The following ZNF66 variants were observed in gnomAD, a reference collection of about 807,000 sequenced individuals.
ZNF66 encodes zinc finger protein 66, also known as putative zinc finger protein 66.
ZNF66 carries 32 observed loss-of-function variants against 35.2 expected under a neutral mutation model. That is an observed-to-expected ratio of 0.91 (90% confidence interval 0.69 to 1.22). The LOEUF (loss-of-function observed/expected upper bound fraction) is 1.22. ZNF66 is among the 50% of genes most tolerant of loss of function. The pLI is 0.00. For synonymous variants in ZNF66, 231 were observed against 181.3 expected (o/e 1.27, Z -2.20); for missense variants, 666 against 543.1 (o/e 1.23, Z -2.25).
At position 20,776,349 on chromosome 19, in the gene ZNF66, C is replaced by T. The variant is rs1599543011; in HGVS notation, c.-99C>T. The stretch of plus-strand genomic sequence containing the variant: ...CTCCAGGTCGTCTGTTCACTGCTCT[C>T]TGTCTTCTTCTCCTAGAGGCCCAGC... On this transcript the variant is annotated 5_prime_UTR_variant, in exon 1 of 4. Coordinates refer to ENST00000344519, the MANE Select transcript of ZNF66 (RefSeq NM_001355197.2). 1.3e-6 allele frequency: 2 copies of T among 1,487,392 alleles called. No individual in the cohort carries two copies. Among genetic ancestry groups the T allele is most frequent in the East Asian group, 2.3e-5 (1 of 43,958 alleles). The allele number at this position is 1,487,392 out of a possible 1,614,324, so 92.1% of individuals were successfully genotyped here. A position where few individuals can be genotyped will look rare whatever the true frequency, so the allele number is the denominator to read the frequency against.
At chr19:20,803,303 CTTTCTGTCTT>C (rs1157109179) in intron 3 of ZNF66, among the ~76,000 whole-genome samples, 29 of 129,064 alleles carry the variant, frequency 2.2e-4, no homozygotes, top group African/African-American at 7.6e-4. Context: ...CTCATTTTCT[CTTTCTGTCTT>C]TTTTTTTTAT....
At chr19:20,779,027 C>T (rs1971221435) in intron 1 of ZNF66, among the ~76,000 whole-genome samples, 1 of 152,098 alleles carries the variant, frequency 6.6e-6, no homozygotes, top group African/African-American at 2.4e-5. Flanking sequence ...CCAGCCTGCT[C>T]ACCCCAGCCA....
chr19:20,799,439 T>G (rs1971427728), intron 3 of ZNF66: 1 of 150,704 alleles, frequency 6.6e-6, no homozygotes, highest in Non-Finnish European at 1.5e-5. Context: ...TGTCTTTGTT[T>G]TCCACCAGCA....
In ZNF66 at chr19:20,807,152, T is replaced by C; in HGVS notation, c.1552T>C (p.Phe518Leu). The change falls in exon 4 of 4, where the codon TTT (phenylalanine) becomes CTT (leucine). Residue 518 changes from phenylalanine (F) to leucine (L), a missense_variant. Phe to Leu is a conservative substitution (Grantham distance 22). Transcript: ENST00000344519. ...PYKCEECGKD[F>L]KYSSTLTRHK... ...CAAATGTGAAGAATGTGGCAAAGAC[T>C]TTAAGTACTCCTCTACCCTTACTAG... The C allele has an allele frequency of 1.3e-6, 1 of 794,522 alleles. No individual in the cohort carries two copies. Among genetic ancestry groups the C allele is most frequent in the South Asian group, 1.4e-5 (1 of 69,570 alleles). The allele number at this position is 794,522 out of a possible 1,614,324, so 49.2% of individuals were successfully genotyped here. A position where few individuals can be genotyped will look rare whatever the true frequency, so the allele number is the denominator to read the frequency against.
At chr19:20,805,357 T>C (rs1156859701) in intron 3 of ZNF66, among the ~76,000 whole-genome samples, 1 of 152,146 alleles carries the variant, frequency 6.6e-6, no homozygotes, top group African/African-American at 2.4e-5. Context: ...CATGCCTGTC[T>C]AGTTTTTTGT....
chr19:20,792,849 C>T (rs1055298601), intron 2 of ZNF66, among the ~76,000 whole-genome samples: 1 of 151,968 alleles, frequency 6.6e-6, no homozygotes, highest in Non-Finnish European at 1.5e-5. Flanking sequence ...AGGGGGATTA[C>T]CTGAGGCCAG....
chr19:20,809,860 G>C lies in ZNF66; in HGVS notation c.*2538G>C, dbSNP rs1421422149. 6.6e-6 allele frequency among the ~76,000 whole-genome samples: 1 copy of C among 152,068 alleles called. No homozygotes were observed. The highest frequency in any genetic ancestry group is 6.6e-5 in the Admixed American group (1 of 15,248). ...AGCTTTAAATGTAAATGGGCTAAAT[G>C]CTCCAATTAAAAGACACAGACAGGC... On this transcript the variant is annotated 3_prime_UTR_variant, in exon 4 of 4. Coordinates refer to ENST00000344519, the MANE Select transcript of ZNF66 (RefSeq NM_001355197.2).
At chr19:20,795,395 T>TA (rs1971382541) in intron 3 of ZNF66, among the ~76,000 whole-genome samples, 1 of 151,362 alleles carries the variant, frequency 6.6e-6, no homozygotes, top group East Asian at 1.9e-4. Context: ...GAGATGGAGT[T>TA]TTGCTCCTGT....
At chr19:20,796,586 T>A (rs897204099) in intron 3 of ZNF66, among the ~76,000 whole-genome samples, 8 of 152,208 alleles carry the variant, frequency 5.3e-5, no homozygotes, top group Non-Finnish European at 1.2e-4. Context: ...TTGTATAATT[T>A]TAAATTTAAC....
At position 20,807,995 on chromosome 19, in the gene ZNF66, G is replaced by A. The variant is rs6511166; in HGVS notation, c.*673G>A. On this transcript the variant is annotated 3_prime_UTR_variant, in exon 4 of 4. Transcript: ENST00000344519. The stretch of plus-strand genomic sequence containing the variant: ...GGTGACAGATGGCACCTGGAAAATT[G>A]GGTTACTCCCACCCTAATACTGCGC... 0.38 allele frequency among the ~76,000 whole-genome samples: 57,591 copies of A among 151,874 alleles called. 11,534 individuals are homozygous for A. The highest frequency in any genetic ancestry group is 0.45 in the East Asian group (2,327 of 5,122).
Position 20,793,828 on chromosome 19 carries a change from GA to G in ZNF66, c.183del (p.Lys61AsnfsTer11), listed in dbSNP as rs778503926. 2.2e-5 allele frequency: 26 copies of G among 1,163,488 alleles called. No individual in the cohort carries two copies. Among genetic ancestry groups the G allele is most frequent in the Non-Finnish European group, 2.9e-5 (24 of 828,392 alleles). 72.1% of individuals were successfully genotyped at this position (1,163,488 alleles called of 1,614,324 possible). On this transcript the variant is annotated frameshift_variant, in exon 3 of 4. Coordinates refer to ENST00000344519, the MANE Select transcript of ZNF66 (RefSeq NM_001355197.2). LOFTEE classifies it high-confidence loss of function. ...GACCTCATCACCCATCTGGAGCAAG[GA>G]AAAAAACCTTCGACTATGCAGAGAC... ...KPDLITHLEQ[G>X]KKPSTMQRHE...
chr19:20,806,984 T>A lies in ZNF66; in HGVS notation c.1384T>A (p.Phe462Ile), dbSNP rs1481469981. 3 of 1,014,928 alleles carry A rather than the reference T, an allele frequency of 3.0e-6. No homozygotes were observed. The highest frequency in any genetic ancestry group is 3.4e-5 in the Admixed American group (2 of 58,510). 62.9% of individuals were successfully genotyped at this position (1,014,928 alleles called of 1,614,324 possible). Residue 462 changes from phenylalanine to isoleucine, a missense_variant, in exon 4 of 4, where the codon TTT (phenylalanine) becomes ATT (isoleucine). Phe to Ile is a conservative substitution (Grantham distance 21, BLOSUM62 0). Coordinates refer to ENST00000344519, the MANE Select transcript of ZNF66 (RefSeq NM_001355197.2). ...CGAATGTGAAGACTGTGGCAAAGCC[T>A]TTAACCGCTCCTCTAACCTTACTAA... ...PYECEDCGKA[F>I]NRSSNLTKHK...
At chr19:20,781,880 A>G (rs867761534) in intron 1 of ZNF66, among the ~76,000 whole-genome samples, 2 of 151,972 alleles carry the variant, frequency 1.3e-5, no homozygotes, top group African/African-American at 4.8e-5. Flanking sequence ...TTTTTTTTTA[A>G]TGGCCACAGA....
At chr19:20,794,151 G>T in intron 3 of ZNF66, 2 of 531,106 alleles carry the variant, frequency 3.8e-6, no homozygotes, top group South Asian at 3.8e-5. Context: ...TCCTCTTCAT[G>T]ACATATAAGA....
intron 1 of ZNF66, among the ~76,000 whole-genome samples, chr19:20,789,313 C>G (rs1971315210): frequency 6.6e-6 from 1 of 152,170 alleles, no homozygotes; most frequent in Admixed American, 6.5e-5. Context: ...TTATTTTGGT[C>G]TGACTATACC....
intron 1 of ZNF66, among the ~76,000 whole-genome samples, chr19:20,783,044 G>A (rs919121698): frequency 6.6e-6 from 1 of 152,020 alleles, no homozygotes; most frequent in African/African-American, 2.4e-5. Context: ...GTAATGAAGG[G>A]ATCTAGTTTC....
rs1216893254 is a variant in ZNF66 at position 20,802,104 on chromosome 19, CAA to C, written c.227-3721_227-3720del. Among the ~76,000 whole-genome samples, 3 of 152,106 alleles carry C rather than the reference CAA, an allele frequency of 2.0e-5. No individual in the cohort carries two copies. The East Asian group carries it at 5.8e-4, about 29-fold the overall frequency. ...TACTTTTTCACCTTTATACTCATAACAAATTATTTTAATTCTGTAGCTTTTTG... is the reference window on the plus strand; with the variant it reads ...TACTTTTTCACCTTTATACTCATAACATTATTTTAATTCTGTAGCTTTTTG... On this transcript the variant is annotated intron_variant, in intron 3 of 3. Coordinates refer to ENST00000344519, the MANE Select transcript of ZNF66 (RefSeq NM_001355197.2).
intron 3 of ZNF66, among the ~76,000 whole-genome samples, chr19:20,804,777 A>G (rs11669934): frequency 0.38 from 58,141 of 152,010 alleles, 11,675 homozygotes; most frequent in East Asian, 0.46. Flanking sequence ...GAATTTCTCA[A>G]ACATGTTTTT....
chr19:20,806,083 C>A lies in ZNF66; in HGVS notation c.483C>A (p.Asn161Lys). 1 of 871,498 alleles carries A rather than the reference C, an allele frequency of 1.1e-6. No homozygotes were observed. Among genetic ancestry groups the A allele is most frequent in the Non-Finnish European group, 1.9e-6 (1 of 522,488 alleles). The allele number at this position is 871,498 out of a possible 1,614,324, so 54.0% of individuals were successfully genotyped here. A position where few individuals can be genotyped will look rare whatever the true frequency, so the allele number is the denominator to read the frequency against. Residue 161 changes from asparagine (N) to lysine (K), a missense_variant, in exon 4 of 4, where the codon AAC becomes AAA. Asn to Lys is a moderately conservative substitution (Grantham distance 94). Transcript: ENST00000344519. ...GKVFHQFSNT[N>K]RHKIRHTGKN... ...TCTTTCATCAATTTTCAAATACAAA[C>A]AGACATAAGATAAGACATACTGGAA... is the stretch of plus-strand genomic sequence containing the variant.
Sources: gnomAD v4.1 joint callset for allele counts (sites outside exome capture counted in the v4.1 genomes callset) on GRCh38, gnomAD v4.1.1 for gene constraint, MANE v1.5 for transcripts, NCBI Gene and HGNC (gene_info 2026-07-23, HGNC 2026-07-21) for gene names.